INSC: variants seen among roughly 807,000 people sequenced by gnomAD.
INSC encodes protein inscuteable homolog.
A neutral mutation model predicts 58.6 loss-of-function variants in INSC; 67 were observed. That is an observed-to-expected ratio of 1.14 (90% CI 0.94 to 1.40). INSC has a LOEUF of 1.40. Among genes scored for constraint, INSC ranks in the 40% most tolerant of loss-of-function variants. INSC has a pLI of 0.00. For synonymous variants in INSC, 262 were observed against 276.1 expected, an observed-to-expected ratio of 0.95 and a Z score of 0.51; for missense variants, 714 against 692.0, an observed-to-expected ratio of 1.03 and a Z score of -0.36.
At chr11:15,237,779 T>TAA (rs1187312370) in intron 10 of INSC, among the ~76,000 whole-genome samples, 1 of 152,138 alleles carries the variant, frequency 6.6e-6, no homozygotes, top group African/African-American at 2.4e-5. Flanking sequence ...CAATCTCTTT[T>TAA]AAAGAAGGAA....
At chr11:15,141,443 T>TG (rs1378002080) in intron 1 of INSC, among the ~76,000 whole-genome samples, 1 of 152,188 alleles carries the variant, frequency 6.6e-6, no homozygotes, top group Non-Finnish European at 1.5e-5. Flanking sequence ...TCTCAGGTCC[T>TG]GGAGAGGATT....
In INSC at chr11:15,175,826, CAG is replaced by C; in HGVS notation, c.143_144del (p.Gln48ArgfsTer13). ...MTECECMCVL[Q>X]AKPISLEEDA... The stretch of plus-strand genomic sequence containing the variant: ...CGAGTGCGAGTGCATGTGTGTCCTG[CAG>C]GCCAAGCCCATCAGCCTGGAAGAGG... On this transcript the variant is annotated frameshift_variant, in exon 3 of 13. Coordinates refer to ENST00000379556, the MANE Select transcript of INSC (RefSeq NM_001042536.3). LOFTEE classifies it high-confidence loss of function. 6.2e-7 allele frequency: 1 copy of C among 1,611,070 alleles called. No homozygotes were observed. Among genetic ancestry groups the C allele is most frequent in the Non-Finnish European group, 8.5e-7 (1 of 1,177,568 alleles).
rs183596790 is a variant in INSC at position 15,144,155 on chromosome 11, T to A, written c.-45-4975T>A. Among the ~76,000 whole-genome samples the A allele has an allele frequency of 2.0e-5, 3 of 152,282 alleles. No individual in the cohort carries two copies. In the East Asian group the frequency reaches 5.8e-4, roughly 29 times the overall value. On this transcript the variant is annotated intron_variant, in intron 1 of 12. Transcript: ENST00000379556. Reference sequence around the variant, plus strand: ...TTAAGTTTCTATGTTGGGAGGCAGGTTTCCACTTCACTAAGACTCTTAAGC... The same window carrying A: ...TTAAGTTTCTATGTTGGGAGGCAGGATTCCACTTCACTAAGACTCTTAAGC...
chr11:15,260,691 A>G, the INSC span, among the ~76,000 whole-genome samples: 1 of 152,156 alleles, frequency 6.6e-6, no homozygotes, highest in Admixed American at 6.5e-5. Context: ...AATAGAGATT[A>G]TAATAGACCT....
intron 2 of INSC, among the ~76,000 whole-genome samples, chr11:15,163,548 C>A (rs914622974): frequency 7.2e-5 from 11 of 152,140 alleles, no homozygotes; most frequent in Admixed American, 4.6e-4. Context: ...TCTTACCTAA[C>A]TTTAATATTT....
chr11:15,185,785 T>C (rs769623920), intron 5 of INSC, among the ~76,000 whole-genome samples: 1 of 152,232 alleles, frequency 6.6e-6, no homozygotes, highest in African/African-American at 2.4e-5. Context: ...GCAAGAGTGA[T>C]GTAATGATTT....
chr11:15,196,702 T>C lies in INSC; in HGVS notation c.694-4122T>C, dbSNP rs532427862. 6.8e-4 allele frequency among the ~76,000 whole-genome samples: 103 copies of C among 152,322 alleles called. 1 individual carries two copies. Among genetic ancestry groups the C allele is most frequent in the Admixed American group, 5.3e-3 (81 of 15,304 alleles). On this transcript the variant is annotated intron_variant, in intron 6 of 12. Coordinates refer to ENST00000379556, the MANE Select transcript of INSC (RefSeq NM_001042536.3). ...GACAGCTGCAGTAAAGTAGTAATAA[T>C]AAATTTATTTTTATAGCACTCACTT... is the stretch of plus-strand genomic sequence containing the variant.
At chr11:15,265,696 C>T in the INSC span, among the ~76,000 whole-genome samples, 1 of 151,528 alleles carries the variant, frequency 6.6e-6, no homozygotes, top group Non-Finnish European at 1.5e-5. Flanking sequence ...GTAAATTTTA[C>T]TAGTTTATTT....
chr11:15,122,868 T>A (rs1382248292), intron 1 of INSC, among the ~76,000 whole-genome samples: 2 of 152,168 alleles, frequency 1.3e-5, no homozygotes, highest in Non-Finnish European at 2.9e-5. Flanking sequence ...ACAACTCTGT[T>A]CATATCATTT....
At chr11:15,241,511 A>G (rs1465145551) in intron 12 of INSC, 4 of 700,786 alleles carry the variant, frequency 5.7e-6, no homozygotes, top group Non-Finnish European at 7.8e-6. Flanking sequence ...TCAGTGCTAT[A>G]CATTTTATTC....
chr11:15,268,780 G>T, the INSC span, among the ~76,000 whole-genome samples: 1 of 152,024 alleles, frequency 6.6e-6, no homozygotes. Flanking sequence ...CTCAGTCACA[G>T]CATTTTTAGA....
the INSC span, among the ~76,000 whole-genome samples, chr11:15,254,691 G>C: frequency 6.6e-6 from 1 of 152,198 alleles, no homozygotes; most frequent in South Asian, 2.1e-4. Flanking sequence ...CGTGGTTACA[G>C]TGAAAGTTAA....
chr11:15,148,971 G>T, intron 1 of INSC, 159 bp from the exon 2 acceptor site: 4 of 770,626 alleles, frequency 5.2e-6, no homozygotes, highest in Non-Finnish European at 7.3e-6. Flanking sequence ...CCTTACTTGT[G>T]TGAGGATACT....
chr11:15,262,864 G>A, the INSC span, among the ~76,000 whole-genome samples: 1 of 152,000 alleles, frequency 6.6e-6, no homozygotes, highest in Non-Finnish European at 1.5e-5. Context: ...ACAGCACTCT[G>A]AGAAACAGAG....
At chr11:15,240,176 GA>G (rs1327655094) in intron 11 of INSC, among the ~76,000 whole-genome samples, 5 of 150,848 alleles carry the variant, frequency 3.3e-5, no homozygotes, top group East Asian at 1.9e-4. Context: ...TGGCACTTGA[GA>G]AAAAAAAAGA....
rs536170915 is a variant in INSC, at chr11:15,221,704, T to C, written c.991+56T>C. The C allele has an allele frequency of 3.3e-6, 5 of 1,511,730 alleles. No individual in the cohort carries two copies. In the East Asian group the frequency reaches 9.4e-5, roughly 28 times the overall value. The allele number at this position is 1,511,730 out of a possible 1,614,324, so 93.6% of individuals were successfully genotyped here. ...GAGAGAGGGCCTTGGCACAGTTGTC[T>C]TCAGAAATAGCCAGGAAGGCCTTCC... is the stretch of plus-strand genomic sequence containing the variant. On this transcript the variant is annotated intron_variant, in intron 8 of 12. Coordinates refer to ENST00000379556, the MANE Select transcript of INSC (RefSeq NM_001042536.3).
At chr11:15,217,832 A>G (rs1163446852) in intron 7 of INSC, among the ~76,000 whole-genome samples, 1 of 152,236 alleles carries the variant, frequency 6.6e-6, no homozygotes, top group African/African-American at 2.4e-5. Context: ...GCAGGTTAAA[A>G]TACAATTTTT....
At chr11:15,236,111 T>C (rs1852120184) in intron 10 of INSC, among the ~76,000 whole-genome samples, 1 of 149,616 alleles carries the variant, frequency 6.7e-6, no homozygotes, top group African/African-American at 2.5e-5. Flanking sequence ...TGCCTGAGCA[T>C]ATATGTGTGT....
At chr11:15,249,375 G>A (rs1852625766), downstream of INSC, among the ~76,000 whole-genome samples, 1 of 152,176 alleles carries the variant, frequency 6.6e-6, no homozygotes, top group Non-Finnish European at 1.5e-5. Context: ...TAGAGAAGGA[G>A]AAGATAGGGG....
Sources: gnomAD v4.1 joint callset for allele counts (sites outside exome capture counted in the v4.1 genomes callset) on GRCh38, gnomAD v4.1.1 for gene constraint, MANE v1.5 for transcripts, NCBI Gene and HGNC (gene_info 2026-07-23, HGNC 2026-07-21) for gene names.